Variants in PCDH11X observed in about 807,000 individuals in gnomAD.
The protein encoded by PCDH11X is protocadherin-11 X-linked.
PCDH11X carries 18 observed loss-of-function variants against 53.3 expected under a neutral mutation model. The observed-to-expected ratio is 0.34, with a 90% CI of 0.23 to 0.50. The LOEUF (loss-of-function observed/expected upper bound fraction) is 0.50, where lower values mean the gene tolerates loss of function less well. PCDH11X is among the 20% of genes least tolerant of loss of function. The pLI, the probability that PCDH11X is intolerant of heterozygous loss-of-function variation, is 0.98. For synonymous variants in PCDH11X, 279 were observed against 393.3 expected, an observed-to-expected ratio of 0.71 and a Z score of 3.44; for missense variants, 570 against 1,032.4, an observed-to-expected ratio of 0.55 and a Z score of 6.14.
intron 9 of PCDH11X, among the ~76,000 whole-genome samples, chrX:92,440,644 C>T (rs34213545): frequency 1.5e-4 from 17 of 111,210 alleles, no homozygotes; most frequent in Non-Finnish European, 2.8e-4. Context: ...CCTTCTGCCA[C>T]GATTGTGAGG....
At chrX:92,269,008 A>G (rs1201418765) in intron 8 of PCDH11X, among the ~76,000 whole-genome samples, 1 of 112,369 alleles carries the variant, frequency 8.9e-6, no homozygotes, top group Admixed American at 9.4e-5. Context: ...ACATATGTGC[A>G]TTCCCTGGAT....
chrX:92,044,468 ATAAG>A (rs2063255799), intron 6 of PCDH11X, among the ~76,000 whole-genome samples: 1 of 102,640 alleles, frequency 9.7e-6, no homozygotes, highest in African/African-American at 3.5e-5. Context: ...AAATAATCAT[ATAAG>A]TAACAGAAGG....
chrX:91,810,623 C>T (rs1276391035), intron 3 of PCDH11X, 45 bp downstream of exon 3: 3 of 111,482 alleles, frequency 2.7e-5, no homozygotes, highest in East Asian at 2.8e-4. Flanking sequence ...TAGAAATTGC[C>T]GCATAAGAGA....
intron 8 of PCDH11X, among the ~76,000 whole-genome samples, chrX:92,379,219 G>A (rs2070818276): frequency 1.8e-5 from 2 of 113,130 alleles, no homozygotes; most frequent in South Asian, 7.2e-4. Flanking sequence ...GACCCAGGAA[G>A]CCCTCCTGCC....
At chrX:92,394,861 A>G (rs1395035418) in intron 9 of PCDH11X, among the ~76,000 whole-genome samples, 1 of 111,786 alleles carries the variant, frequency 8.9e-6, no homozygotes, top group Non-Finnish European at 1.9e-5. Flanking sequence ...AAATTGTACA[A>G]TAACTTGCAA....
intron 6 of PCDH11X, among the ~76,000 whole-genome samples, chrX:92,112,226 TAAGAC>T (rs1474053474): frequency 1.9e-5 from 2 of 108,009 alleles, no homozygotes; most frequent in African/African-American, 6.8e-5. Context: ...ACAGGCAAGA[TAAGAC>T]ATGCGTTATT....
At position 92,221,278 on chromosome X, in the gene PCDH11X, A is replaced by AATACACAC. The variant is rs1249262957; in HGVS notation, c.3114+19824_3114+19825insTACACACA. Among the ~76,000 whole-genome samples, 828 of 88,024 alleles carry AATACACAC rather than the reference A, an allele frequency of 9.4e-3. 32 individuals are homozygous for AATACACAC. Among genetic ancestry groups the AATACACAC allele is most frequent in the Non-Finnish European group, 0.014 (650 of 46,758 alleles). The allele number at this position is 88,024 out of a possible 115,157, so 76.4% of individuals were successfully genotyped here. A position where few individuals can be genotyped will look rare whatever the true frequency, so the allele number is the denominator to read the frequency against. On this transcript the variant is annotated intron_variant, in intron 7 of 10. Transcript: ENST00000682573. Reference sequence around the variant, plus strand: ...TTTTAAAAAAGAAAACATTGTATACAACACACACACACACACACACACACA... The same window carrying AATACACAC: ...TTTTAAAAAAGAAAACATTGTATACAATACACACACACACACACACACACACACACACA...
Position 91,932,708 on chromosome X carries a change from G to A in PCDH11X, c.3033+53435G>A, listed in dbSNP as rs183900891. Among the ~76,000 whole-genome samples, 1,083 of 110,629 alleles carry A rather than the reference G, an allele frequency of 9.8e-3. 7 individuals carry two copies. Among genetic ancestry groups the A allele is most frequent in the Middle Eastern group, 0.019 (4 of 210 alleles). The stretch of plus-strand genomic sequence containing the variant: ...TGTGTGTGTGTGTGTGTGCGCGCGC[G>A]CGCGCCTGAGAAAGAGATAGAGGGA... On this transcript the variant is annotated intron_variant, in intron 6 of 10. Coordinates refer to ENST00000682573, the MANE Select transcript of PCDH11X (RefSeq NM_032968.5).
At chrX:91,957,321 G>A (rs1206116882) in intron 6 of PCDH11X, among the ~76,000 whole-genome samples, 4 of 110,696 alleles carry the variant, frequency 3.6e-5, no homozygotes, top group Admixed American at 9.6e-5. Flanking sequence ...GTGGTCTTTT[G>A]GAGGAGAAGA....
rs750154077 is a variant in PCDH11X, at chrX:91,918,211, C to T, written c.3033+38938C>T. Among the ~76,000 whole-genome samples the T allele has an allele frequency of 3.3e-4, 36 of 110,556 alleles. No homozygotes were observed. The South Asian group carries it at 0.014, about 42-fold the overall frequency. On this transcript the variant is annotated intron_variant, in intron 6 of 10. Transcript: ENST00000682573. ...AAGTTTAGGCAGGCTTGGCTGGGTT[C>T]ATTGCCTAGAGTCTCGCATTATTAT...
intron 8 of PCDH11X, among the ~76,000 whole-genome samples, chrX:92,309,111 CAT>C (rs1429761991): frequency 2.7e-5 from 3 of 111,864 alleles, no homozygotes; most frequent in African/African-American, 9.7e-5. Context: ...ACAGAACTGA[CAT>C]ATGATCCAAC....
intron 6 of PCDH11X, among the ~76,000 whole-genome samples, chrX:92,147,830 T>TCTTTCTTTCTTTCTTC (rs1491430823): frequency 1.1e-5 from 1 of 93,421 alleles, no homozygotes; most frequent in Non-Finnish European, 2.0e-5. Flanking sequence ...TTTCTTTCTT[T>TCTTTCTTTCTTTCTTC]CTTTCTTTCT....
At chrX:92,054,877 G>A (rs1197776353) in intron 6 of PCDH11X, among the ~76,000 whole-genome samples, 1 of 101,182 alleles carries the variant, frequency 9.9e-6, no homozygotes, top group Non-Finnish European at 2.0e-5. Context: ...TAACCACAGT[G>A]TAATGTTTAA....
intron 6 of PCDH11X, among the ~76,000 whole-genome samples, chrX:92,156,813 T>C (rs2065544560): frequency 1.8e-5 from 2 of 111,964 alleles, no homozygotes; most frequent in African/African-American, 6.5e-5. Context: ...TGGAATTGGA[T>C]GGTTAAAATC....
chrX:92,289,409 G>A (rs1024329684), intron 8 of PCDH11X, among the ~76,000 whole-genome samples: 3 of 111,524 alleles, frequency 2.7e-5, no homozygotes, highest in Non-Finnish European at 5.7e-5. Flanking sequence ...CTAAAACGTA[G>A]CTTCTGAAGC....
intron 8 of PCDH11X, among the ~76,000 whole-genome samples, chrX:92,379,998 C>T (rs1028916741): frequency 2.0e-5 from 2 of 100,974 alleles, no homozygotes; most frequent in African/African-American, 3.6e-5. Context: ...CAACTTGCCA[C>T]GTTGGGGGTG....
At chrX:92,422,141 T>C (rs1194806622) in intron 9 of PCDH11X, among the ~76,000 whole-genome samples, 1 of 108,944 alleles carries the variant, frequency 9.2e-6, no homozygotes, top group African/African-American at 3.3e-5. Context: ...TTTCTTTTTT[T>C]TTTTTTTTTT....
intron 6 of PCDH11X, among the ~76,000 whole-genome samples, chrX:92,071,742 T>C (rs1401433233): frequency 6.3e-5 from 7 of 110,770 alleles, no homozygotes; most frequent in Non-Finnish European, 1.3e-4. Context: ...AGGCAGAGAG[T>C]ATGCTCTTTT....
intron 7 of PCDH11X, among the ~76,000 whole-genome samples, chrX:92,255,428 T>C (rs1375358340): frequency 3.7e-5 from 4 of 106,994 alleles, no homozygotes; most frequent in Admixed American, 9.9e-5. Context: ...TCTGAAGCCT[T>C]CTTCTCTCAG....
Sources: gnomAD v4.1 joint callset for allele counts (sites outside exome capture counted in the v4.1 genomes callset) on GRCh38, gnomAD v4.1.1 for gene constraint, MANE v1.5 for transcripts, NCBI Gene and HGNC (gene_info 2026-07-23, HGNC 2026-07-21) for gene names.